The following MIGA1 variants were observed in gnomAD, a reference collection of about 807,000 sequenced individuals.
MIGA1 encodes the protein mitoguardin 1.
MIGA1 carries 58 observed loss-of-function variants against 82.0 expected under a neutral mutation model. That is an observed-to-expected ratio of 0.71 (90% CI 0.57 to 0.88). MIGA1 has a LOEUF of 0.88. MIGA1 is among the 40% of genes least tolerant of loss of function. The pLI, the probability that MIGA1 is intolerant of heterozygous loss-of-function variation, is 0.00. For missense variants in MIGA1, 751 were observed against 749.1 expected (o/e 1.00, Z -0.03); for synonymous variants, 249 against 253.6 (o/e 0.98, Z 0.17).
chr1:77,865,971 G>T (rs573262520), intron 13 of MIGA1, among the ~76,000 whole-genome samples: 20 of 152,110 alleles, frequency 1.3e-4, no homozygotes, highest in African/African-American at 4.8e-4. Flanking sequence ...GGAGTGCAGT[G>T]GCGCGATCTC....
At chr1:77,805,623 G>A (rs536313161) in intron 4 of MIGA1, among the ~76,000 whole-genome samples, 34 of 149,286 alleles carry the variant, frequency 2.3e-4, no homozygotes, top group African/African-American at 4.7e-4. Context: ...TCCATCTCCC[G>A]GGTTCCAGTG....
chr1:77,825,076 C>T (rs547705786), intron 7 of MIGA1, among the ~76,000 whole-genome samples: 1 of 151,076 alleles, frequency 6.6e-6, no homozygotes, highest in African/African-American at 2.4e-5. Context: ...GCAACCTCCG[C>T]CTCCAGGGTT....
At chr1:77,799,519 C>G (rs772170025) in intron 2 of MIGA1, among the ~76,000 whole-genome samples, 1 of 152,168 alleles carries the variant, frequency 6.6e-6, no homozygotes, top group Non-Finnish European at 1.5e-5. Flanking sequence ...AGATTGATAA[C>G]ATGATTAGGA....
intron 8 of MIGA1, chr1:77,847,220 A>G: frequency 8.6e-7 from 1 of 1,157,048 alleles, no homozygotes; most frequent in Non-Finnish European, 1.3e-6. Context: ...GATGATGATG[A>G]GACCTCCATG....
chr1:77,844,202 A>G (rs1035700615), intron 8 of MIGA1, among the ~76,000 whole-genome samples: 1 of 149,338 alleles, frequency 6.7e-6, no homozygotes, highest in Non-Finnish European at 1.5e-5. Flanking sequence ...ACATACACAC[A>G]TTCACTGTGG....
intron 13 of MIGA1, among the ~76,000 whole-genome samples, chr1:77,865,450 A>C (rs1685628413): frequency 6.6e-6 from 1 of 152,124 alleles, no homozygotes; most frequent in South Asian, 2.1e-4. Context: ...AAAATTTGCC[A>C]GGTGCAGTGG....
intron 2 of MIGA1, among the ~76,000 whole-genome samples, chr1:77,792,896 C>G (rs1682489774): frequency 6.7e-6 from 1 of 148,656 alleles, no homozygotes; most frequent in Admixed American, 6.8e-5. Flanking sequence ...TCAAGTGATT[C>G]TCCTGTCTCA....
Position 77,877,464 on chromosome 1 carries a change from C to T in MIGA1, c.*2400C>T, listed in dbSNP as rs1048610932. 1 of 152,046 alleles carries T rather than the reference C, an allele frequency of 6.6e-6. No individual in the cohort carries two copies. The highest frequency in any genetic ancestry group is 1.5e-5 in the Non-Finnish European group (1 of 68,002). The allele number at this position is 152,046 out of a possible 1,614,324, so 9.4% of individuals were successfully genotyped here. On this transcript the variant is annotated 3_prime_UTR_variant, in exon 16 of 16. Coordinates refer to ENST00000370791, the MANE Select transcript of MIGA1 (RefSeq NM_198549.4). The stretch of plus-strand genomic sequence containing the variant: ...TTGACGGGAATATGATTAGAAGTAC[C>T]AAAACTAAAAATTCCATTATGTACT...
intron 7 of MIGA1, among the ~76,000 whole-genome samples, chr1:77,828,650 G>A (rs1684121387): frequency 6.6e-6 from 1 of 152,146 alleles, no homozygotes; most frequent in Non-Finnish European, 1.5e-5. Context: ...ACTACTGCCA[G>A]TAAGTCTGTT....
At chr1:77,835,847 C>T (rs992875079) in intron 7 of MIGA1, among the ~76,000 whole-genome samples, 3 of 151,870 alleles carry the variant, frequency 2.0e-5, no homozygotes, top group Non-Finnish European at 4.4e-5. Context: ...ACTTGGGAGG[C>T]GGAGGCACAA....
intron 12 of MIGA1, chr1:77,861,580 TCTTC>T: frequency 5.2e-6 from 2 of 386,186 alleles, no homozygotes; most frequent in Non-Finnish European, 4.7e-6. Context: ...TTGTTCCCTC[TCTTC>T]CTTCTCTCCA....
Position 77,779,715 on chromosome 1 carries a change from T to G in MIGA1, c.60T>G (p.Ala20=). The G allele has an allele frequency of 6.3e-7, 1 of 1,582,400 alleles. No homozygotes were observed. The highest frequency in any genetic ancestry group is 1.2e-5 in the South Asian group (1 of 86,600). ...GGGAAGCTGGCGTGGGCAGGCCAGC[T>G]GTACCTGGCCTGGAGCTCCAGGTAC... Residue 20 remains alanine, a synonymous_variant, in exon 1 of 16, where the codon GCT becomes GCG. Transcript: ENST00000370791.
At position 77,861,278 on chromosome 1, in the gene MIGA1, A is replaced by C. The variant is rs1294858001; in HGVS notation, c.1330A>C (p.Thr444Pro). ...TGAAATGATCTATTTTTTAGAGCAG[A>C]CCGATCACTGGGGTAGTACTGAAAT... Residue 444 changes from threonine (T) to proline (P), a missense_variant, in exon 12 of 16, where the codon ACC becomes CCC. By Grantham distance (38) the Thr-to-Pro change is conservative. Coordinates refer to ENST00000370791, the MANE Select transcript of MIGA1 (RefSeq NM_198549.4). 3.7e-6 allele frequency: 6 copies of C among 1,613,618 alleles called. No homozygotes were observed. Among genetic ancestry groups the C allele is most frequent in the Non-Finnish European group, 5.1e-6 (6 of 1,179,778 alleles).
At chr1:77,852,076 G>T (rs1047930780) in intron 8 of MIGA1, among the ~76,000 whole-genome samples, 1 of 151,854 alleles carries the variant, frequency 6.6e-6, no homozygotes, top group African/African-American at 2.4e-5. Flanking sequence ...GTAGAGATGG[G>T]GTTTCGCCAT....
intron 3 of MIGA1, among the ~76,000 whole-genome samples, chr1:77,801,741 G>C (rs2101749922): frequency 6.6e-6 from 1 of 152,170 alleles, no homozygotes; most frequent in African/African-American, 2.4e-5. Flanking sequence ...ATGTATATCA[G>C]TCCACTTATA....
chr1:77,853,274 A>G (rs1013649310), intron 8 of MIGA1: 2 of 152,240 alleles, frequency 1.3e-5, no homozygotes, highest in Non-Finnish European at 2.9e-5. Context: ...AGCTTTGTGG[A>G]TTTTTAATTT....
chr1:77,784,231 T>G (rs1469669431), intron 2 of MIGA1, among the ~76,000 whole-genome samples: 4 of 151,938 alleles, frequency 2.6e-5, no homozygotes, highest in Non-Finnish European at 4.4e-5. Context: ...ATTTATGTAT[T>G]TATTTATTTA....
At chr1:77,812,403 C>T (rs1364369176) in intron 5 of MIGA1, among the ~76,000 whole-genome samples, 1 of 151,992 alleles carries the variant, frequency 6.6e-6, no homozygotes, top group Non-Finnish European at 1.5e-5. Context: ...GAGATGGTGC[C>T]ACTGCTCTCC....
At chr1:77,860,285 C>G (rs1685415036) in intron 11 of MIGA1, 159 bp downstream of exon 11, 6 of 556,180 alleles carry the variant, frequency 1.1e-5, no homozygotes, top group Admixed American at 1.0e-4. Flanking sequence ...GTATAAAGTC[C>G]ACACTATTTC....
Sources: allele counts gnomAD v4.1 joint callset (sites outside exome capture counted in the v4.1 genomes callset), GRCh38; gene constraint gnomAD v4.1.1; transcripts MANE v1.5; gene names NCBI Gene and HGNC (gene_info 2026-07-23, HGNC 2026-07-21).